Variants in RUNX1T1 observed in about 807,000 individuals in gnomAD.
RUNX1T1 encodes RUNX1 partner transcriptional co-repressor 1.
Under a neutral mutation model 62.8 loss-of-function variants are expected in RUNX1T1, and 4 were observed. The ratio of observed to expected loss-of-function variants is 0.06; its 90% CI spans 0.03 to 0.15. The LOEUF is 0.15. Among genes scored for constraint, RUNX1T1 ranks in the 10% least tolerant of loss-of-function variants. The pLI, the probability that RUNX1T1 is intolerant of heterozygous loss-of-function variation, is 1.00. For missense variants in RUNX1T1, 508 were observed against 754.3 expected (o/e 0.67, Z 3.82); for synonymous variants, 291 against 286.0 (o/e 1.02, Z -0.18).
At chr8:92,053,712 A>C (rs925125621) in intron 1 of RUNX1T1, among the ~76,000 whole-genome samples, 1 of 152,206 alleles carries the variant, frequency 6.6e-6, no homozygotes, top group African/African-American at 2.4e-5. Flanking sequence ...GTTAATTAAC[A>C]TGCTTTGTGT....
chr8:92,029,302 T>TATGA (rs1165859262), intron 1 of RUNX1T1, among the ~76,000 whole-genome samples: 2 of 152,112 alleles, frequency 1.3e-5, no homozygotes, highest in African/African-American at 4.8e-5. Context: ...GAGAGCACAG[T>TATGA]ATGAATAGGA....
At chr8:92,026,805 G>C (rs1825256359) in intron 1 of RUNX1T1, among the ~76,000 whole-genome samples, 2 of 150,756 alleles carry the variant, frequency 1.3e-5, no homozygotes, top group Non-Finnish European at 2.9e-5. Flanking sequence ...CTGGGCAAGA[G>C]AGCGAGACCC....
At chr8:92,080,779 T>C (rs1040053763) in intron 1 of RUNX1T1, among the ~76,000 whole-genome samples, 1 of 152,238 alleles carries the variant, frequency 6.6e-6, no homozygotes, top group South Asian at 2.1e-4. Flanking sequence ...AGGGAATAAC[T>C]GATAATGGAA....
intron 10 of RUNX1T1, among the ~76,000 whole-genome samples, chr8:91,965,059 C>T (rs1811288444): frequency 6.6e-6 from 1 of 152,288 alleles, no homozygotes; most frequent in Non-Finnish European, 1.5e-5. Context: ...CCACCACTCC[C>T]TCCTTTTGGT....
exon 1 of RUNX1T1, chr8:92,062,744 C>A (rs762665687): frequency 6.4e-7 from 1 of 1,564,986 alleles, no homozygotes; most frequent in East Asian, 2.3e-5. Context: ...GCTGACACTC[C>A]GGATTGCACT....
chr8:91,986,643 T>C (rs1816623279), intron 7 of RUNX1T1, among the ~76,000 whole-genome samples: 1 of 152,312 alleles, frequency 6.6e-6, no homozygotes, highest in South Asian at 2.1e-4. Flanking sequence ...AATAGAACAG[T>C]AGCCCACCGA....
At chr8:92,097,243 G>A (rs983713426) in intron 1 of RUNX1T1, among the ~76,000 whole-genome samples, 7 of 152,158 alleles carry the variant, frequency 4.6e-5, no homozygotes, top group African/African-American at 1.7e-4. Flanking sequence ...AGGTTCAATA[G>A]TTAGAGAAGG....
intron 2 of RUNX1T1, among the ~76,000 whole-genome samples, chr8:92,073,138 T>C (rs1833930871): frequency 6.6e-6 from 1 of 152,200 alleles, no homozygotes; most frequent in South Asian, 2.1e-4. Flanking sequence ...CAATGGCTTA[T>C]GATAGCAAGC....
chr8:92,070,738 G>T lies in RUNX1T1; in HGVS notation c.88+5227C>A, dbSNP rs1003060177. On this transcript the variant is annotated intron_variant, in intron 2 of 11. Coordinates refer to the RUNX1T1 transcript ENST00000265814. ...AGCTGTGCTTATGCACTAGGCAAAG[G>T]TATATACTGCTCTCTTTACATGCCC... Among the ~76,000 whole-genome samples the T allele has an allele frequency of 3.3e-5, 5 of 152,334 alleles. No individual in the cohort carries two copies. The South Asian group carries it at 1.0e-3, about 32-fold the overall frequency.
intron 1 of RUNX1T1, among the ~76,000 whole-genome samples, chr8:92,032,446 G>A (rs1268250313): frequency 6.6e-6 from 1 of 152,056 alleles, no homozygotes; most frequent in African/African-American, 2.4e-5. Flanking sequence ...ATCATAGAAT[G>A]AGAAAAGAGA....
At position 92,034,670 on chromosome 8, in the gene RUNX1T1, ATG is replaced by A. The variant is rs35165263; in HGVS notation, c.8-17309_8-17308del. Among the ~76,000 whole-genome samples the A allele has an allele frequency of 5.1e-3, 757 of 148,802 alleles. 5 individuals are homozygous for A. The highest frequency in any genetic ancestry group is 7.5e-3 in the Non-Finnish European group (503 of 67,252). The stretch of plus-strand genomic sequence containing the variant: ...CGACTAAAGAAAATGGCATATATAT[ATG>A]TGTGTGTGTGTGTGTGTGTATACAT... On this transcript the variant is annotated intron_variant, in intron 1 of 10. Transcript: ENST00000396218.
intron 5 of RUNX1T1, among the ~76,000 whole-genome samples, chr8:91,995,414 G>A (rs1818474453): frequency 6.6e-6 from 1 of 152,062 alleles, no homozygotes; most frequent in African/African-American, 2.4e-5. Context: ...TCCTATCCTG[G>A]GGCCCATCAC....
chr8:92,006,073 G>A (rs1194765511), intron 4 of RUNX1T1: 2 of 151,640 alleles, frequency 1.3e-5, no homozygotes, highest in Admixed American at 6.6e-5. Context: ...CCTCAGCTAG[G>A]TCAGCACCTT....
chr8:92,020,339 C>A (rs1823841020), intron 1 of RUNX1T1, among the ~76,000 whole-genome samples: 1 of 152,158 alleles, frequency 6.6e-6, no homozygotes, highest in Admixed American at 6.5e-5. Flanking sequence ...ACAGCACAAG[C>A]AAGCTGATTT....
intron 1 of RUNX1T1, among the ~76,000 whole-genome samples, chr8:92,030,585 A>G (rs1461793494): frequency 1.3e-5 from 2 of 152,196 alleles, no homozygotes; most frequent in African/African-American, 2.4e-5. Context: ...CCTCATTCCC[A>G]CTGCAATGGG....
At chr8:92,017,557 C>T in intron 1 of RUNX1T1, 194 bp from the exon 3 acceptor site, 1 of 1,457,846 alleles carries the variant, frequency 6.9e-7, no homozygotes, top group Non-Finnish European at 9.0e-7. Context: ...GCACAGATGG[C>T]AGGACCTCAT....
chr8:91,992,224 C>T (rs936126534), intron 5 of RUNX1T1, among the ~76,000 whole-genome samples: 2 of 152,152 alleles, frequency 1.3e-5, no homozygotes, highest in Non-Finnish European at 2.9e-5. Flanking sequence ...TGATTTCTAA[C>T]AAGTTACCCT....
intron 2 of RUNX1T1, 64 bp from the exon 4 acceptor site, chr8:92,014,884 C>T: frequency 6.8e-7 from 1 of 1,470,408 alleles, no homozygotes; most frequent in East Asian, 2.4e-5. Flanking sequence ...GAGGAAATTG[C>T]CACCAAGTTT....
At chr8:91,962,823 TC>T (rs1486670705) in intron 10 of RUNX1T1, among the ~76,000 whole-genome samples, 1 of 152,240 alleles carries the variant, frequency 6.6e-6, no homozygotes, top group Non-Finnish European at 1.5e-5. Context: ...AAACATCTAA[TC>T]TGAGTCAAGT....
Sources: gnomAD v4.1 joint callset for allele counts (sites outside exome capture counted in the v4.1 genomes callset) on GRCh38, gnomAD v4.1.1 for gene constraint, MANE v1.5 for transcripts, NCBI Gene and HGNC (gene_info 2026-07-23, HGNC 2026-07-21) for gene names.